The following RBM4 variants were observed in gnomAD, a reference collection of about 807,000 sequenced individuals.
RBM4 encodes RNA-binding protein 4.
Under a neutral mutation model 29.5 loss-of-function variants are expected in RBM4, and 7 were observed. The ratio of observed to expected loss-of-function variants is 0.24; its 90% CI spans 0.14 to 0.45. The LOEUF is 0.45. RBM4 is among the 20% of genes least tolerant of loss of function. The pLI is 1.00. For missense variants in RBM4, 387 were observed against 502.3 expected, an observed-to-expected ratio of 0.77 and a Z score of 2.19; for synonymous variants, 220 against 205.4, an observed-to-expected ratio of 1.07 and a Z score of -0.61.
downstream of RBM4, among the ~76,000 whole-genome samples, chr11:66,647,557 C>T (rs1383230992): frequency 6.6e-6 from 1 of 152,116 alleles, no homozygotes; most frequent in Non-Finnish European, 1.5e-5. Flanking sequence ...CTTGGAGGGT[C>T]GTACATACCT....
chr11:66,655,184 C>T (rs185611126), intron 2 of RBM4, among the ~76,000 whole-genome samples: 41 of 152,154 alleles, frequency 2.7e-4, no homozygotes, highest in African/African-American at 9.2e-4. Context: ...TGGTGTTTCA[C>T]CATGTTGGCC....
At chr11:66,668,308 G>A in exon 3 of RBM4, 1 of 284,212 alleles carries the variant, frequency 3.5e-6, no homozygotes, top group African/African-American at 2.1e-5. Context: ...CATAACAAAT[G>A]TTAGATCTCT....
downstream of RBM4, chr11:66,649,601 A>G: frequency 1.7e-6 from 1 of 601,280 alleles, no homozygotes; most frequent in Non-Finnish European, 3.0e-6. Context: ...TCAATGTATT[A>G]TGAAGTTGTT....
intron 3 of RBM4, among the ~76,000 whole-genome samples, chr11:66,644,915 CACTT>C (rs1219924642): frequency 1.3e-5 from 2 of 151,856 alleles, no homozygotes; most frequent in Admixed American, 6.6e-5. Flanking sequence ...CCCAGCCTGT[CACTT>C]ACTTAGGGTT....
chr11:66,656,687 G>A (rs1938955871), intron 2 of RBM4, among the ~76,000 whole-genome samples: 1 of 151,660 alleles, frequency 6.6e-6, no homozygotes, highest in Non-Finnish European at 1.5e-5. Flanking sequence ...AAAAGATGGT[G>A]TCTCACTCTA....
At chr11:66,648,248 A>G (rs1454400542), downstream of RBM4, among the ~76,000 whole-genome samples, 1 of 151,592 alleles carries the variant, frequency 6.6e-6, no homozygotes, top group Non-Finnish European at 1.5e-5. Context: ...GGCCAGGTGC[A>G]GTGACTCAAC....
Position 66,643,852 on chromosome 11 carries a change from A to G in RBM4, c.815A>G (p.Tyr272Cys), listed in dbSNP as rs1349290951. ...SHLTSTSLDP[Y>C]DRHLLPTSGA... ...CTCACCTCCACCTCTCTCGATCCCT[A>G]CGATAGACACCTGTTGCCGACCTCA... Residue 272 changes from tyrosine to cysteine, a missense_variant, in exon 3 of 4, where the codon TAC becomes TGC. Around this residue, in one of 2 missense-constraint regions of RBM4, gnomAD observed 281 missense variants for 288.7 expected, o/e 0.97. Transcript: ENST00000310092. This position sits in a 1 kb window ranked among gnomAD's most constrained non-coding sequence, Gnocchi z 6.1. 1.9e-6 allele frequency: 3 copies of G among 1,613,566 alleles called. No homozygotes were observed. The highest frequency in any genetic ancestry group is 1.1e-5 in the South Asian group (1 of 91,066).
downstream of RBM4, among the ~76,000 whole-genome samples, chr11:66,651,449 G>A (rs1015809641): frequency 7.3e-5 from 11 of 151,488 alleles, no homozygotes; most frequent in African/African-American, 2.2e-4. Context: ...CCGGGTTCAC[G>A]CCATTCTCCT....
Position 66,646,437 on chromosome 11 carries a change from C to G in RBM4, c.*419C>G, listed in dbSNP as rs1410146443. On this transcript the variant is annotated 3_prime_UTR_variant, in exon 4 of 4. Transcript: ENST00000310092. Reference sequence around the variant, plus strand: ...CCTATAGAGTTGGATCACTTTTTTTCTTTCCGGTGAAATAAATGGTTTTTC... The same window carrying G: ...CCTATAGAGTTGGATCACTTTTTTTGTTTCCGGTGAAATAAATGGTTTTTC... 3.9e-6 allele frequency: 4 copies of G among 1,028,384 alleles called. 1 individual carries two copies. The highest frequency in any genetic ancestry group is 4.7e-6 in the Non-Finnish European group (4 of 858,020). 63.7% of individuals were successfully genotyped at this position (1,028,384 alleles called of 1,614,324 possible).
At chr11:66,648,305 G>GACC, downstream of RBM4, among the ~76,000 whole-genome samples, 1 of 152,220 alleles carries the variant, frequency 6.6e-6, no homozygotes, top group Non-Finnish European at 1.5e-5. Flanking sequence ...CAGGTTGTTT[G>GACC]AGCTCAGGAG....
exon 3 of RBM4, chr11:66,666,051 C>T (rs1939220316): frequency 8.3e-7 from 1 of 1,204,500 alleles, no homozygotes; most frequent in Non-Finnish European, 1.2e-6. Flanking sequence ...ATGATGGTCA[C>T]AAGGGGTAGG....
In RBM4 at chr11:66,668,092, T is replaced by G. The variant is rs7120560; in HGVS notation, c.*2127T>G. Reference sequence around the variant, plus strand: ...TATTCATTACTAACCCCTGAACCTGTACCCTTCAGCTTACCACTACAGTAC... The same window carrying G: ...TATTCATTACTAACCCCTGAACCTGGACCCTTCAGCTTACCACTACAGTAC... On this transcript the variant is annotated 3_prime_UTR_variant, in exon 3 of 3. Transcript: ENST00000396053. The G allele has an allele frequency of 5.2e-3, 826 of 157,418 alleles. 10 individuals carry two copies. Among genetic ancestry groups the G allele is most frequent in the African/African-American group, 0.018 (759 of 41,586 alleles). The allele number at this position is 157,418 out of a possible 1,614,324, so 9.8% of individuals were successfully genotyped here.
chr11:66,643,619 C>T lies in RBM4; in HGVS notation c.582C>T (p.Tyr194=), dbSNP rs190705449. The T allele has an allele frequency of 2.3e-5, 37 of 1,614,156 alleles. No homozygotes were observed. The Admixed American group carries it at 2.8e-4, about 12-fold the overall frequency. ...TGACCGAGCAATATAATGAGCAATA[C>T]GGAGCAGTGCGTACGCCTTACACCA... ...ADLTEQYNEQ[Y]GAVRTPYTMS... The change falls in exon 3 of 4, where the codon TAC becomes TAT. Residue 194 remains tyrosine (Y), a synonymous_variant. Transcript: ENST00000310092. The surrounding 1 kb of genome is among the most constrained non-coding windows in gnomAD (Gnocchi z 6.1).
intron 2 of RBM4, among the ~76,000 whole-genome samples, chr11:66,657,045 G>T (rs1259905366): frequency 6.8e-6 from 1 of 146,848 alleles, no homozygotes; most frequent in Non-Finnish European, 1.5e-5. Context: ...GAACATTTTT[G>T]TCAGCCAAAA....
intron 2 of RBM4, 120 bp downstream of exon 2, chr11:66,640,243 T>C (rs1938381164): frequency 7.5e-7 from 1 of 1,338,676 alleles, no homozygotes; most frequent in Non-Finnish European, 1.0e-6. Flanking sequence ...GATGAAGAAA[T>C]AAGTGTGGGT....
intron 2 of RBM4, among the ~76,000 whole-genome samples, chr11:66,663,700 A>ATGTG (rs780807357): frequency 4.1e-4 from 48 of 116,900 alleles, no homozygotes; most frequent in African/African-American, 5.8e-4. Flanking sequence ...ATGTGTGTGT[A>ATGTG]TATGTGTGTG....
rs182731289 is a variant in RBM4 at position 66,663,584 on chromosome 11, C to T, written c.413-2272C>T. 2.0e-5 allele frequency among the ~76,000 whole-genome samples: 3 copies of T among 152,196 alleles called. No homozygotes were observed. The East Asian group carries it at 5.8e-4, about 29-fold the overall frequency. On this transcript the variant is annotated intron_variant, in intron 2 of 2. Coordinates refer to the RBM4 transcript ENST00000396053. ...GACCTCGTGATTCGTGTGCCTTGGC[C>T]TCCCAAAGTGCTGGGATTACAGGCA...
chr11:66,662,398 T>C (rs1318308957), intron 2 of RBM4, among the ~76,000 whole-genome samples: 3 of 152,000 alleles, frequency 2.0e-5, no homozygotes, highest in Non-Finnish European at 4.4e-5. Context: ...CAAGATACTT[T>C]TATTTATTTA....
At chr11:66,656,130 C>T (rs938119648) in intron 2 of RBM4, among the ~76,000 whole-genome samples, 2 of 151,914 alleles carry the variant, frequency 1.3e-5, no homozygotes, top group African/African-American at 4.8e-5. Flanking sequence ...GCCACCATGC[C>T]CGGCTAATTT....
Sources: gnomAD v4.1 joint callset for allele counts (sites outside exome capture counted in the v4.1 genomes callset) on GRCh38, gnomAD v4.1.1 for gene constraint, gnomAD v4.1.1 regional missense constraint, Gnocchi (gnomAD v3.1) non-coding constraint, MANE v1.5 for transcripts, NCBI Gene and HGNC (gene_info 2026-07-23, HGNC 2026-07-21) for gene names.